FSHR: variants seen among roughly 807,000 people sequenced by gnomAD.
FSHR encodes follicle stimulating hormone receptor.
Under a neutral mutation model 52.1 loss-of-function variants are expected in FSHR, and 46 were observed. The observed-to-expected ratio is 0.88, with a 90% CI of 0.70 to 1.13. The LOEUF (loss-of-function observed/expected upper bound fraction) is 1.13. Among genes scored for constraint, FSHR ranks in the 50% most tolerant of loss-of-function variants. FSHR has a pLI of 0.00. For missense variants in FSHR, 964 were observed against 834.6 expected, an observed-to-expected ratio of 1.16 and a Z score of -1.91; for synonymous variants, 399 against 309.6, an observed-to-expected ratio of 1.29 and a Z score of -3.03.
At chr2:49,125,027 A>G (rs1405042849) in intron 1 of FSHR, among the ~76,000 whole-genome samples, 1 of 152,158 alleles carries the variant, frequency 6.6e-6, no homozygotes. Context: ...CCTGTCCCAG[A>G]GTCACTGCTC....
At chr2:49,025,312 G>A (rs1667879365) in intron 2 of FSHR, among the ~76,000 whole-genome samples, 2 of 152,124 alleles carry the variant, frequency 1.3e-5, no homozygotes, top group South Asian at 2.1e-4. Context: ...TGGATCCTTG[G>A]TTCATCAATC....
intron 1 of FSHR, among the ~76,000 whole-genome samples, chr2:49,084,390 G>A (rs1280564793): frequency 6.6e-6 from 1 of 152,158 alleles, no homozygotes; most frequent in Non-Finnish European, 1.5e-5. Flanking sequence ...ACAAGAGAAA[G>A]TAGGAAAGAT....
At chr2:49,072,004 T>C (rs1409133946) in intron 1 of FSHR, among the ~76,000 whole-genome samples, 2 of 152,070 alleles carry the variant, frequency 1.3e-5, no homozygotes, top group Admixed American at 1.3e-4. Flanking sequence ...GAAGGAAATA[T>C]AAGTGGGTTG....
At chr2:49,023,331 G>A (rs1351460259) in intron 2 of FSHR, among the ~76,000 whole-genome samples, 1 of 152,086 alleles carries the variant, frequency 6.6e-6, no homozygotes, top group Non-Finnish European at 1.5e-5. Context: ...TATGTAGTTA[G>A]TGCCCAATAA....
intron 2 of FSHR, among the ~76,000 whole-genome samples, chr2:49,062,813 A>G (rs1161984052): frequency 6.6e-6 from 1 of 152,132 alleles, no homozygotes; most frequent in Non-Finnish European, 1.5e-5. Flanking sequence ...AAACTGTTCA[A>G]CATCACTAAT....
chr2:49,108,496 A>G (rs1671314264), intron 1 of FSHR, among the ~76,000 whole-genome samples: 1 of 152,004 alleles, frequency 6.6e-6, no homozygotes, highest in East Asian at 1.9e-4. Flanking sequence ...ACTCTGGCCA[A>G]CCAAGCTCAG....
chr2:49,037,706 T>C (rs1359030954), intron 2 of FSHR, among the ~76,000 whole-genome samples: 1 of 152,036 alleles, frequency 6.6e-6, no homozygotes, highest in African/African-American at 2.4e-5. Flanking sequence ...ATTAATGAAT[T>C]GGAAAATGGA....
At chr2:48,995,490 G>A (rs895856696) in intron 4 of FSHR, among the ~76,000 whole-genome samples, 7 of 152,076 alleles carry the variant, frequency 4.6e-5, no homozygotes, top group African/African-American at 1.4e-4. Flanking sequence ...GAAAGGATGG[G>A]AAGCAGACAA....
At chr2:48,973,368 C>T (rs553628413) in intron 8 of FSHR, among the ~76,000 whole-genome samples, 37 of 152,268 alleles carry the variant, frequency 2.4e-4, no homozygotes, top group African/African-American at 7.7e-4. Context: ...GTGGACCCCC[C>T]GCCCCGCAGT....
Position 48,963,111 on chromosome 2 carries a change from G to T in FSHR, c.1710C>A (p.Ile570=). 6.2e-7 allele frequency: 1 copy of T among 1,614,070 alleles called. No homozygotes were observed. The highest frequency in any genetic ancestry group is 8.5e-7 in the Non-Finnish European group (1 of 1,180,002). The change falls in exon 10 of 10, where the codon ATC becomes ATA. Residue 570 remains isoleucine, a synonymous_variant. Coordinates refer to ENST00000406846, the MANE Select transcript of FSHR (RefSeq NM_000145.4). ...NIVSSSSDTR[I]AKRMAMLIFT... is the part of the protein sequence containing the mutation. ...AGATGAGCATGGCCATGCGCTTGGC[G>T]ATCCTGGTGTCACTAGAGGAGGACA... is the stretch of plus-strand genomic sequence containing the variant.
Position 48,976,060 on chromosome 2 carries a change from T to A in FSHR, c.668+6852A>T, listed in dbSNP as rs375173025. On this transcript the variant is annotated intron_variant, in intron 8 of 9. Coordinates refer to ENST00000406846, the MANE Select transcript of FSHR (RefSeq NM_000145.4). ...GGTGAGAGAGGGCATCTTTGTCTTGTGCCAGTTTTCAAAGGAAATGCTTCC... is the reference window on the plus strand; with the variant it reads ...GGTGAGAGAGGGCATCTTTGTCTTGAGCCAGTTTTCAAAGGAAATGCTTCC... 4.6e-5 allele frequency among the ~76,000 whole-genome samples: 7 copies of A among 152,332 alleles called. No individual in the cohort carries two copies. The East Asian group carries it at 7.7e-4, about 17-fold the overall frequency.
At chr2:49,141,479 A>C (rs559277140) in intron 1 of FSHR, among the ~76,000 whole-genome samples, 1 of 152,088 alleles carries the variant, frequency 6.6e-6, no homozygotes, top group Admixed American at 6.6e-5. Context: ...CACACTTTAC[A>C]ACAACAGGAG....
chr2:49,130,312 T>C (rs1672217614), intron 1 of FSHR, among the ~76,000 whole-genome samples: 1 of 152,194 alleles, frequency 6.6e-6, no homozygotes, highest in South Asian at 2.1e-4. Flanking sequence ...GTGGAATCTC[T>C]GCTCTGCTCC....
chr2:48,989,066 TACAG>T lies in FSHR; in HGVS notation c.447-16_447-13del, dbSNP rs1365028012. 1.9e-6 allele frequency: 3 copies of T among 1,604,322 alleles called. No homozygotes were observed. The highest frequency in any genetic ancestry group is 1.3e-5 in the African/African-American group (1 of 74,696). ...TATCTTGAATGTCACTAGAAGAAAG[TACAG>T]ACAAATAAGATACTTACATCAGCTC... On this transcript the variant is annotated splice_polypyrimidine_tract_variant and intron_variant, in intron 5 of 9. Transcript: ENST00000406846.
Position 48,972,137 on chromosome 2 carries a change from G to T in FSHR, c.669-3254C>A, listed in dbSNP as rs555120201. On this transcript the variant is annotated intron_variant, in intron 8 of 9. Coordinates refer to ENST00000406846, the MANE Select transcript of FSHR (RefSeq NM_000145.4). The stretch of plus-strand genomic sequence containing the variant: ...TTTGAATAATAAAAATGGCCTTCCT[G>T]ATATTTTCTGAAAATCTGTTCCACC... 2.0e-5 allele frequency among the ~76,000 whole-genome samples: 3 copies of T among 152,248 alleles called. No homozygotes were observed. The South Asian group carries it at 6.2e-4, about 32-fold the overall frequency.
intron 1 of FSHR, among the ~76,000 whole-genome samples, chr2:49,097,306 T>C (rs1474487010): frequency 6.6e-6 from 1 of 152,206 alleles, no homozygotes; most frequent in African/African-American, 2.4e-5. Context: ...ATGTCTTTCA[T>C]TAGATATGAG....
chr2:49,108,898 C>T (rs189857320), intron 1 of FSHR, among the ~76,000 whole-genome samples: 33 of 152,114 alleles, frequency 2.2e-4, no homozygotes, highest in Admixed American at 2.2e-3. Flanking sequence ...AATATATAAC[C>T]TAATATGTGT....
At chr2:49,096,054 T>C (rs1408725081) in intron 1 of FSHR, among the ~76,000 whole-genome samples, 2 of 152,162 alleles carry the variant, frequency 1.3e-5, no homozygotes, top group Non-Finnish European at 2.9e-5. Context: ...AGCAAACACT[T>C]TGATAGTTCC....
At chr2:49,061,785 C>T (rs1292962266) in intron 2 of FSHR, among the ~76,000 whole-genome samples, 22 of 136,638 alleles carry the variant, frequency 1.6e-4, no homozygotes, top group East Asian at 6.3e-4. Flanking sequence ...TCTATATATT[C>T]ATATATAACT....
Sources: allele counts gnomAD v4.1 joint callset (sites outside exome capture counted in the v4.1 genomes callset), GRCh38; gene constraint gnomAD v4.1.1; transcripts MANE v1.5; gene names NCBI Gene and HGNC (gene_info 2026-07-23, HGNC 2026-07-21).